The following SLC25A48 variants were observed in gnomAD, a reference collection of about 807,000 sequenced individuals.
The protein encoded by SLC25A48 is CTC-321K16.1.
A neutral mutation model predicts 32.2 loss-of-function variants in SLC25A48; 29 were observed. The observed-to-expected ratio is 0.90, with a 90% CI of 0.67 to 1.23. The LOEUF (loss-of-function observed/expected upper bound fraction) is 1.23, where lower values mean the gene tolerates loss of function less well. Among genes scored for constraint, SLC25A48 ranks in the 50% most tolerant of loss-of-function variants. The pLI, the probability that SLC25A48 is intolerant of heterozygous loss-of-function variation, is 0.00. For missense variants in SLC25A48, 399 were observed against 422.7 expected, an observed-to-expected ratio of 0.94 and a Z score of 0.49; for synonymous variants, 164 against 172.3, an observed-to-expected ratio of 0.95 and a Z score of 0.38.
chr5:135,742,996 CTCCCCTCCCTTCCCCTTCCCT>C (rs1755541153), intron 3 of SLC25A48, among the ~76,000 whole-genome samples: 5 of 46,846 alleles, frequency 1.1e-4, no homozygotes, highest in Non-Finnish European at 2.2e-4. Context: ...CTCCCTTCCT[CTCCCCTCCCTTCCCCTTCCCT>C]CCCCTCCCCT....
chr5:135,591,004 C>T (rs1484089920), intron 1 of SLC25A48, among the ~76,000 whole-genome samples: 1 of 152,272 alleles, frequency 6.6e-6, no homozygotes, highest in Non-Finnish European at 1.5e-5. Flanking sequence ...TCATGTGCCA[C>T]CACAGCATCA....
At chr5:135,606,375 G>A (rs867619565) in intron 1 of SLC25A48, among the ~76,000 whole-genome samples, 1 of 152,210 alleles carries the variant, frequency 6.6e-6, no homozygotes, top group South Asian at 2.1e-4. Context: ...TAGTTGAGAA[G>A]CATTGATCTG....
intron 4 of SLC25A48, among the ~76,000 whole-genome samples, chr5:135,828,236 C>T (rs1758116150): frequency 2.6e-5 from 4 of 152,220 alleles, no homozygotes; most frequent in Admixed American, 6.5e-5. Flanking sequence ...GCCCACCTGC[C>T]GGCCTTGGCT....
intron 3 of SLC25A48, among the ~76,000 whole-genome samples, chr5:135,759,930 A>G (rs934081090): frequency 1.3e-5 from 2 of 151,206 alleles, no homozygotes; most frequent in Non-Finnish European, 2.9e-5. Flanking sequence ...CCCAGGTTCA[A>G]GTGATTCTCC....
intron 3 of SLC25A48, chr5:135,653,866 A>G (rs1324353783): frequency 2.2e-6 from 1 of 456,254 alleles, no homozygotes; most frequent in Admixed American, 2.3e-5. Flanking sequence ...TGTTCCAGGA[A>G]TTGTATAGCC....
intron 4 of SLC25A48, among the ~76,000 whole-genome samples, chr5:135,814,652 C>T (rs964314085): frequency 6.6e-6 from 1 of 152,196 alleles, no homozygotes; most frequent in Non-Finnish European, 1.5e-5. Context: ...GGACCAGGCA[C>T]CCAGACACAC....
intron 2 of SLC25A48, among the ~76,000 whole-genome samples, chr5:135,633,658 A>G (rs889110465): frequency 1.3e-5 from 2 of 152,032 alleles, no homozygotes; most frequent in African/African-American, 4.8e-5. Flanking sequence ...TGAGGTAGAC[A>G]TGTAGATGTG....
At chr5:135,763,865 C>T (rs1175011230) in intron 3 of SLC25A48, among the ~76,000 whole-genome samples, 1 of 152,054 alleles carries the variant, frequency 6.6e-6, no homozygotes, top group Non-Finnish European at 1.5e-5. Context: ...TTGTGTCACT[C>T]AATTCTATTT....
At chr5:135,698,519 C>T (rs747607144) in intron 3 of SLC25A48, among the ~76,000 whole-genome samples, 6 of 152,004 alleles carry the variant, frequency 3.9e-5, no homozygotes, top group Non-Finnish European at 5.9e-5. Context: ...TGAGCAACCA[C>T]TACAGTTTTT....
intron 3 of SLC25A48, among the ~76,000 whole-genome samples, chr5:135,641,942 T>C (rs1439424066): frequency 6.6e-6 from 1 of 152,248 alleles, no homozygotes; most frequent in African/African-American, 2.4e-5. Context: ...CCTCAGGCTA[T>C]TGACAACTAG....
At chr5:135,716,546 T>A (rs1300163548) in intron 3 of SLC25A48, among the ~76,000 whole-genome samples, 1 of 152,170 alleles carries the variant, frequency 6.6e-6, no homozygotes, top group African/African-American at 2.4e-5. Context: ...CACCTTAGTG[T>A]GAATGAGTTT....
intron 3 of SLC25A48, among the ~76,000 whole-genome samples, chr5:135,769,544 G>T (rs1287927285): frequency 6.6e-6 from 1 of 151,578 alleles, no homozygotes; most frequent in African/African-American, 2.4e-5. Flanking sequence ...CTGGGGTATT[G>T]TTTGTAATAT....
At position 135,684,190 on chromosome 5, in the gene SLC25A48, G is replaced by A. The variant is rs150758278; in HGVS notation, c.-521+49234G>A. Among the ~76,000 whole-genome samples the A allele has an allele frequency of 1.8e-3, 280 of 152,154 alleles. 2 individuals carry two copies. Among genetic ancestry groups the A allele is most frequent in the African/African-American group, 6.1e-3 (255 of 41,520 alleles). On this transcript the variant is annotated intron_variant, in intron 3 of 10. Transcript: ENST00000646290. Reference sequence around the variant, plus strand: ...TCCTTCTCCTGATCCCCAACAACTCGGTTCTCAGAATTAATCAATATTCCA... The same window carrying A: ...TCCTTCTCCTGATCCCCAACAACTCAGTTCTCAGAATTAATCAATATTCCA...
intron 4 of SLC25A48, among the ~76,000 whole-genome samples, chr5:135,855,040 G>C (rs79967398): frequency 0.016 from 2,366 of 152,318 alleles, 39 homozygotes; most frequent in Non-Finnish European, 0.022. Context: ...AGCAGTCAGA[G>C]CAACCATGAT....
At chr5:135,789,052 C>T (rs1756938719) in intron 3 of SLC25A48, among the ~76,000 whole-genome samples, 1 of 151,256 alleles carries the variant, frequency 6.6e-6, no homozygotes, top group African/African-American at 2.4e-5. Flanking sequence ...TGTACACCCC[C>T]ATGCCATATG....
rs367671295 is a variant in SLC25A48, at chr5:135,729,354, A to T, written c.-520-83169A>T. On this transcript the variant is annotated intron_variant, in intron 3 of 10. Coordinates refer to the SLC25A48 transcript ENST00000646290. ...ATGTTTTGTTTGATGTTGAGGAAAG[A>T]TTTTTTTTTTTTTGGTCCCTGGGAA... 4.9e-4 allele frequency among the ~76,000 whole-genome samples: 71 copies of T among 146,320 alleles called. 2 individuals carry two copies. In the East Asian group the frequency reaches 0.014, roughly 29 times the overall value.
chr5:135,679,273 C>A (rs1055542719), intron 3 of SLC25A48, among the ~76,000 whole-genome samples: 1 of 152,096 alleles, frequency 6.6e-6, no homozygotes, highest in African/African-American at 2.4e-5. Flanking sequence ...TGCAGGCCCC[C>A]AGTAGGAGGC....
chr5:135,701,009 C>T (rs1754383135), intron 3 of SLC25A48, among the ~76,000 whole-genome samples: 1 of 152,180 alleles, frequency 6.6e-6, no homozygotes, highest in Non-Finnish European at 1.5e-5. Context: ...CTCCATCCTG[C>T]CTATAGATCT....
intron 3 of SLC25A48, among the ~76,000 whole-genome samples, chr5:135,777,164 C>T (rs1017157903): frequency 3.3e-5 from 5 of 151,556 alleles, no homozygotes; most frequent in Non-Finnish European, 7.4e-5. Flanking sequence ...TACACACCCC[C>T]CGTAATATTG....
Sources: gnomAD v4.1 joint callset for allele counts (sites outside exome capture counted in the v4.1 genomes callset) on GRCh38, gnomAD v4.1.1 for gene constraint, MANE v1.5 for transcripts, NCBI Gene and HGNC (gene_info 2026-07-23, HGNC 2026-07-21) for gene names.